NUP93: variants seen among roughly 807,000 people sequenced by gnomAD.
NUP93 encodes the protein nuclear pore complex protein Nup93.
A neutral mutation model predicts 107.8 loss-of-function variants in NUP93; 55 were observed. The observed-to-expected ratio is 0.51, with a 90% CI of 0.41 to 0.64. The LOEUF is 0.64. NUP93 is among the 30% of genes least tolerant of loss of function. NUP93 has a pLI of 0.00. For missense variants in NUP93, 937 were observed against 1,044.7 expected (o/e 0.90, Z 1.42); for synonymous variants, 390 against 397.5 (o/e 0.98, Z 0.22).
At chr16:56,802,507 A>G (rs1963042880) in intron 4 of NUP93, among the ~76,000 whole-genome samples, 1 of 152,116 alleles carries the variant, frequency 6.6e-6, no homozygotes, top group Admixed American at 6.6e-5. Context: ...TAAAATTTGT[A>G]ATTATCATTT....
chr16:56,802,355 C>T (rs1381253591), intron 4 of NUP93, among the ~76,000 whole-genome samples: 1 of 128,536 alleles, frequency 7.8e-6, no homozygotes, highest in South Asian at 2.7e-4. Flanking sequence ...ATTTAAAATG[C>T]ATAACTTTCA....
At chr16:56,838,931 C>G in intron 18 of NUP93, 21 bp from the exon 19 acceptor site, 3 of 1,529,822 alleles carry the variant, frequency 2.0e-6, no homozygotes, top group Non-Finnish European at 2.7e-6. Context: ...TTACTACCCC[C>G]ACCCCGTTTT....
intron 3 of NUP93, among the ~76,000 whole-genome samples, chr16:56,779,512 G>C (rs1382630692): frequency 6.6e-6 from 1 of 152,216 alleles, no homozygotes; most frequent in Non-Finnish European, 1.5e-5. Context: ...TGACGAGTAA[G>C]TAGAGAAGCA....
intron 3 of NUP93, among the ~76,000 whole-genome samples, chr16:56,772,643 A>G (rs1396963639): frequency 6.6e-6 from 1 of 152,082 alleles, no homozygotes; most frequent in Non-Finnish European, 1.5e-5. Flanking sequence ...TTGTTTCTCC[A>G]CTGCCCTACA....
At chr16:56,786,625 C>T (rs116907029) in intron 3 of NUP93, among the ~76,000 whole-genome samples, 1 of 152,218 alleles carries the variant, frequency 6.6e-6, no homozygotes, top group Non-Finnish European at 1.5e-5. Flanking sequence ...CATTTATAAA[C>T]AAACATTTAA....
At chr16:56,799,007 C>T (rs1460149168) in intron 4 of NUP93, among the ~76,000 whole-genome samples, 2 of 151,974 alleles carry the variant, frequency 1.3e-5, no homozygotes, top group African/African-American at 2.4e-5. Flanking sequence ...GAGGAGAATA[C>T]CATGCTTTAT....
At chr16:56,840,780 G>C (rs1365213444) in intron 20 of NUP93, among the ~76,000 whole-genome samples, 1 of 152,174 alleles carries the variant, frequency 6.6e-6, no homozygotes, top group African/African-American at 2.4e-5. Context: ...CTGATCACCT[G>C]AGGTCAGGAG....
At chr16:56,827,315 A>G (rs1292548315) in intron 8 of NUP93, among the ~76,000 whole-genome samples, 1 of 152,202 alleles carries the variant, frequency 6.6e-6, no homozygotes, top group Non-Finnish European at 1.5e-5. Flanking sequence ...TAGCAAATAA[A>G]TGGAGAGGGA....
chr16:56,808,651 A>AATATAT lies in NUP93; in HGVS notation c.489+3020_489+3021insTATATA, dbSNP rs1567399052. Among the ~76,000 whole-genome samples, 20 of 125,500 alleles carry AATATAT rather than the reference A, an allele frequency of 1.6e-4. 1 individual carries two copies. Among genetic ancestry groups the AATATAT allele is most frequent in the East Asian group, 6.4e-4 (3 of 4,724 alleles). 82.3% of individuals were successfully genotyped at this position (125,500 alleles called of 152,430 possible). On this transcript the variant is annotated intron_variant, in intron 5 of 21. Transcript: ENST00000308159. ...ATAAATACATTTATATAAATATATA[A>AATATAT]AAATACATATATTTATAAATATATA...
intron 1 of NUP93, among the ~76,000 whole-genome samples, chr16:56,732,646 G>T (rs1250270181): frequency 6.6e-6 from 1 of 152,170 alleles, no homozygotes; most frequent in Admixed American, 6.5e-5. Flanking sequence ...GACTGATGTA[G>T]AAAATAAGGT....
intron 5 of NUP93, among the ~76,000 whole-genome samples, chr16:56,812,243 G>T (rs1963331460): frequency 6.6e-6 from 1 of 152,130 alleles, no homozygotes; most frequent in African/African-American, 2.4e-5. Context: ...CTAAGATATA[G>T]TGGTTTCTGA....
At chr16:56,765,909 A>G (rs899961376) in intron 3 of NUP93, among the ~76,000 whole-genome samples, 9 of 152,198 alleles carry the variant, frequency 5.9e-5, no homozygotes, top group Admixed American at 6.5e-5. Context: ...TGATAAGGGA[A>G]AAGGTAGGCA....
At chr16:56,734,874 C>G (rs775401226) in intron 1 of NUP93, among the ~76,000 whole-genome samples, 3 of 152,166 alleles carry the variant, frequency 2.0e-5, no homozygotes, top group Non-Finnish European at 2.9e-5. Context: ...TAGAATACGG[C>G]CTTCCTCCCC....
chr16:56,775,169 G>C (rs189454228), intron 3 of NUP93, among the ~76,000 whole-genome samples: 252 of 152,238 alleles, frequency 1.7e-3, no homozygotes, highest in Non-Finnish European at 2.9e-3. Flanking sequence ...CTAAAGTGCA[G>C]AGATCACAGA....
At chr16:56,841,671 T>C (rs768945745) in intron 20 of NUP93, 34 bp from the exon 21 acceptor site, 7 of 1,610,574 alleles carry the variant, frequency 4.3e-6, no homozygotes, top group Non-Finnish European at 8.5e-7. Flanking sequence ...AAGGCTTGGT[T>C]CTTTTTCTTT....
intron 8 of NUP93, among the ~76,000 whole-genome samples, chr16:56,828,100 C>A (rs1252414365): frequency 5.4e-5 from 8 of 149,052 alleles, no homozygotes; most frequent in African/African-American, 2.0e-4. Flanking sequence ...TCAGCCTGGG[C>A]GACTAGAGTG....
At chr16:56,781,778 A>G (rs1283174175) in intron 3 of NUP93, 1 of 975,206 alleles carries the variant, frequency 1.0e-6, no homozygotes. Context: ...CTTAAATCTT[A>G]ACTTGGTACA....
At chr16:56,815,576 C>T (rs1314086568) in intron 5 of NUP93, among the ~76,000 whole-genome samples, 1 of 152,172 alleles carries the variant, frequency 6.6e-6, no homozygotes, top group Non-Finnish European at 1.5e-5. Flanking sequence ...GGATTTGCTC[C>T]TGTGTTCGTT....
intron 8 of NUP93, among the ~76,000 whole-genome samples, chr16:56,824,716 A>T (rs1428840574): frequency 6.6e-6 from 1 of 152,208 alleles, no homozygotes; most frequent in African/African-American, 2.4e-5. Context: ...CTTGTATGTT[A>T]CTGAGGTAAT....
Sources: gnomAD v4.1 joint callset for allele counts (sites outside exome capture counted in the v4.1 genomes callset) on GRCh38, gnomAD v4.1.1 for gene constraint, MANE v1.5 for transcripts, NCBI Gene and HGNC (gene_info 2026-07-23, HGNC 2026-07-21) for gene names.